Variants in PCNX1 observed in about 807,000 individuals in gnomAD.
The protein encoded by PCNX1 is pecanex 1.
Under a neutral mutation model 242.2 loss-of-function variants are expected in PCNX1, and 78 were observed. The ratio of observed to expected loss-of-function variants is 0.32; its 90% CI spans 0.27 to 0.39. The LOEUF (loss-of-function observed/expected upper bound fraction) is 0.39, where lower values mean the gene tolerates loss of function less well. Among genes scored for constraint, PCNX1 ranks in the 10% least tolerant of loss-of-function variants. The pLI, the probability that PCNX1 is intolerant of heterozygous loss-of-function variation, is 1.00. For missense variants in PCNX1, 2,581 were observed against 2,856.5 expected, an observed-to-expected ratio of 0.90 and a Z score of 2.20; for synonymous variants, 1,024 against 1,032.9, an observed-to-expected ratio of 0.99 and a Z score of 0.17.
chr14:71,006,513 T>C (rs1473365037), intron 8 of PCNX1, among the ~76,000 whole-genome samples: 2 of 152,174 alleles, frequency 1.3e-5, no homozygotes, highest in African/African-American at 4.8e-5. Context: ...GAAGGACATA[T>C]TTCTTTGCTC....
chr14:71,091,500 T>C (rs1441278084), intron 30 of PCNX1, among the ~76,000 whole-genome samples: 1 of 152,218 alleles, frequency 6.6e-6, no homozygotes, highest in Non-Finnish European at 1.5e-5. Context: ...TCAGTAAATG[T>C]ATTGGAAACT....
rs2062694854 is a variant in PCNX1, at chr14:71,108,881, C to T, written c.6579C>T (p.Ser2193=). 1 of 1,614,238 alleles carries T rather than the reference C, an allele frequency of 6.2e-7. No individual in the cohort carries two copies. Among genetic ancestry groups the T allele is most frequent in the Admixed American group, 1.7e-5 (1 of 60,022 alleles). Residue 2193 remains serine (S), a synonymous_variant, in exon 34 of 36, where the codon TCC becomes TCT. Transcript: ENST00000304743. ...LACVQHGLPS[S]SSSSQSIPAC... is the part of the protein sequence containing the mutation. Reference sequence around the variant, plus strand: ...GTGTGCAGCACGGCCTGCCTTCCTCCAGCAGCTCCAGCCAAAGCATCCCAG... The same window carrying T: ...GTGTGCAGCACGGCCTGCCTTCCTCTAGCAGCTCCAGCCAAAGCATCCCAG...
intron 5 of PCNX1, among the ~76,000 whole-genome samples, chr14:70,976,237 C>T (rs1365428137): frequency 6.6e-6 from 1 of 152,164 alleles, no homozygotes; most frequent in Non-Finnish European, 1.5e-5. Flanking sequence ...GTTGATGTCC[C>T]ATTTTGCAGA....
rs1212288298 is a variant in PCNX1, at chr14:70,976,905, A to G, written c.605-37A>G. On this transcript the variant is annotated intron_variant, in intron 5 of 35. Coordinates refer to ENST00000304743, the MANE Select transcript of PCNX1 (RefSeq NM_014982.3). ...TAAACAGTAGAAAAGCAGATCATAC[A>G]TTTATTTTAACATTTCAAAATATGT... The G allele has an allele frequency of 7.7e-6, 12 of 1,568,050 alleles. No individual in the cohort carries two copies. In the East Asian group the frequency reaches 1.3e-4, roughly 18 times the overall value.
At chr14:70,964,406 T>C (rs1025356021) in intron 3 of PCNX1, among the ~76,000 whole-genome samples, 3 of 152,200 alleles carry the variant, frequency 2.0e-5, no homozygotes, top group African/African-American at 7.2e-5. Flanking sequence ...ACAATGCCTG[T>C]TTGAAGACAA....
At chr14:70,926,480 T>C (rs1254398876) in intron 1 of PCNX1, among the ~76,000 whole-genome samples, 1 of 152,212 alleles carries the variant, frequency 6.6e-6, no homozygotes, top group African/African-American at 2.4e-5. Flanking sequence ...AAGCACTTGC[T>C]GCCAATTGGC....
intron 29 of PCNX1, among the ~76,000 whole-genome samples, chr14:71,088,937 AG>A (rs2062061396): frequency 6.6e-6 from 1 of 152,122 alleles, no homozygotes; most frequent in South Asian, 2.1e-4. Flanking sequence ...AGCTTTTCTT[AG>A]TTTATTTTAA....
At chr14:70,988,298 A>G (rs1400378185) in intron 6 of PCNX1, among the ~76,000 whole-genome samples, 1 of 152,234 alleles carries the variant, frequency 6.6e-6, no homozygotes, top group African/African-American at 2.4e-5. Context: ...GAGATCTTAA[A>G]AATAGGAAAT....
At chr14:71,066,679 C>G (rs2061455411) in intron 26 of PCNX1, among the ~76,000 whole-genome samples, 1 of 152,146 alleles carries the variant, frequency 6.6e-6, no homozygotes, top group South Asian at 2.1e-4. Flanking sequence ...GCATCCTTGT[C>G]TTGTGCTGGT....
At chr14:70,968,388 G>T in intron 4 of PCNX1, 145 bp downstream of exon 4, 1 of 555,818 alleles carries the variant, frequency 1.8e-6, no homozygotes, top group Non-Finnish European at 3.1e-6. Flanking sequence ...TCTTATTAAA[G>T]GTTGGTTGAC....
At chr14:70,963,192 C>T (rs569408255) in intron 3 of PCNX1, among the ~76,000 whole-genome samples, 46 of 152,284 alleles carry the variant, frequency 3.0e-4, no homozygotes, top group Admixed American at 2.9e-3. Context: ...ACTTAGTCAT[C>T]TTTATTTTCT....
chr14:71,042,510 T>C (rs953154412), intron 19 of PCNX1, among the ~76,000 whole-genome samples: 2 of 152,180 alleles, frequency 1.3e-5, no homozygotes, highest in African/African-American at 4.8e-5. Context: ...GGTTTCTGTA[T>C]GCCTGGAATA....
intron 28 of PCNX1, 67 bp downstream of exon 28, chr14:71,076,486 T>C: frequency 9.8e-7 from 1 of 1,016,886 alleles, no homozygotes; most frequent in South Asian, 1.4e-5. Context: ...AATGTCCCTG[T>C]TAGTTCTTAT....
At chr14:70,983,014 A>G (rs2058885521) in intron 6 of PCNX1, among the ~76,000 whole-genome samples, 1 of 152,224 alleles carries the variant, frequency 6.6e-6, no homozygotes, top group South Asian at 2.1e-4. Flanking sequence ...TCATTATATA[A>G]ACAAAGACAG....
At chr14:71,037,778 C>G (rs1414248029) in intron 19 of PCNX1, among the ~76,000 whole-genome samples, 1 of 150,776 alleles carries the variant, frequency 6.6e-6, no homozygotes, top group African/African-American at 2.5e-5. Flanking sequence ...GAATCCTAAG[C>G]CAAAAGAACA....
chr14:70,970,828 T>C (rs2058518494), intron 5 of PCNX1, among the ~76,000 whole-genome samples: 1 of 152,216 alleles, frequency 6.6e-6, no homozygotes, highest in African/African-American at 2.4e-5. Context: ...ATTTGGTTTA[T>C]AAAAACAAGT....
Position 71,109,830 on chromosome 14 carries a change from A to C in PCNX1, c.6921A>C (p.Pro2307=). ...GATGGGTGCCTTGCAGCAGAGATCC[A>C]GGTACCAGATCCCACATCGACAAGG... The part of the protein sequence containing the change: ...IHRWVPCSRD[P]GTRSHIDKAV... The change falls in exon 36 of 36, where the codon CCA becomes CCC. Residue 2307 remains proline, a synonymous_variant. Coordinates refer to ENST00000304743, the MANE Select transcript of PCNX1 (RefSeq NM_014982.3). 1 of 1,613,428 alleles carries C rather than the reference A, an allele frequency of 6.2e-7. No individual in the cohort carries two copies. Among genetic ancestry groups the C allele is most frequent in the Non-Finnish European group, 8.5e-7 (1 of 1,179,342 alleles).
In PCNX1 at chr14:71,045,160, T is replaced by G. The variant is rs754401772; in HGVS notation, c.3895T>G (p.Leu1299Val). ...TGCCCTCAAGTATGTGTTGTATACA[T>G]TGGTTGGCTTTGTGGGTTTTGTAAC... ...QPALKYVLYT[L>V]VGFVGFVTHY... The change falls in exon 20 of 36, where the codon TTG becomes GTG. Residue 1299 changes from leucine (L) to valine (V), a missense_variant. This residue lies in a region of PCNX1 where 432 missense variants were observed against 443.1 expected (regional missense o/e 0.97). Coordinates refer to ENST00000304743, the MANE Select transcript of PCNX1 (RefSeq NM_014982.3). 12 of 1,612,150 alleles carry G rather than the reference T, an allele frequency of 7.4e-6. No homozygotes were observed. Among genetic ancestry groups the G allele is most frequent in the Non-Finnish European group, 1.0e-5 (12 of 1,179,210 alleles).
At chr14:70,935,018 C>A (rs537928853) in intron 1 of PCNX1, among the ~76,000 whole-genome samples, 7 of 152,154 alleles carry the variant, frequency 4.6e-5, no homozygotes, top group Admixed American at 2.0e-4. Context: ...ACTTTTACCC[C>A]CTTTGGGAAA....
Sources: gnomAD v4.1 joint callset for allele counts (sites outside exome capture counted in the v4.1 genomes callset) on GRCh38, gnomAD v4.1.1 for gene constraint, gnomAD v4.1.1 regional missense constraint, MANE v1.5 for transcripts, NCBI Gene and HGNC (gene_info 2026-07-23, HGNC 2026-07-21) for gene names.